Variants in CEACAM21 observed in about 807,000 individuals in gnomAD.
The protein encoded by CEACAM21 is cell adhesion molecule CEACAM21.
A neutral mutation model predicts 33.2 loss-of-function variants in CEACAM21; 38 were observed. That is an observed-to-expected ratio of 1.14 (90% confidence interval 0.88 to 1.50). The LOEUF (loss-of-function observed/expected upper bound fraction) is 1.50. Ranked by LOEUF, CEACAM21 falls within the 40% of genes most tolerant of loss-of-function variation. CEACAM21 has a pLI of 0.00. For missense variants in CEACAM21, 385 were observed against 364.6 expected (o/e 1.06, Z -0.46); for synonymous variants, 156 against 143.0 (o/e 1.09, Z -0.65).
upstream of CEACAM21, among the ~76,000 whole-genome samples, chr19:41,572,139 C>T (rs1292485606): frequency 6.6e-6 from 1 of 152,066 alleles, no homozygotes; most frequent in Non-Finnish European, 1.5e-5. Context: ...ATTGCCAGTG[C>T]TAAAACTACA....
intron 2 of CEACAM21, among the ~76,000 whole-genome samples, chr19:41,569,802 A>G (rs1362107331): frequency 3.9e-5 from 6 of 152,170 alleles, no homozygotes; most frequent in Non-Finnish European, 7.3e-5. Flanking sequence ...CCCCGCCTAC[A>G]AAATAGGAAA....
intron 2 of CEACAM21, among the ~76,000 whole-genome samples, chr19:41,569,896 G>A (rs112148385): frequency 7.9e-5 from 12 of 152,214 alleles, no homozygotes; most frequent in African/African-American, 2.4e-4. Flanking sequence ...CATTCCTGGC[G>A]TCCTCCCACA....
rs1412535691 is a variant in CEACAM21 at position 41,555,030 on chromosome 19, T to C, written c.-779+5478T>C. The C allele has an allele frequency of 2.0e-5, 3 of 152,086 alleles. 1 individual carries two copies. Among genetic ancestry groups the C allele is most frequent in the Non-Finnish European group, 4.4e-5 (3 of 67,962 alleles). 9.4% of individuals were successfully genotyped at this position (152,086 alleles called of 1,614,324 possible). A position where few individuals can be genotyped will look rare whatever the true frequency, so the allele number is the denominator to read the frequency against. ...TAGGACAGCTGAGCTCTAAAGCATG[T>C]GAACTTCACCCACCACAACTGTTTG... is the stretch of plus-strand genomic sequence containing the variant. On this transcript the variant is annotated intron_variant, in intron 1 of 7. Transcript: ENST00000407170.
chr19:41,579,761 C>T, intron 3 of CEACAM21, 133 bp downstream of exon 3: 1 of 678,150 alleles, frequency 1.5e-6, no homozygotes, highest in Non-Finnish European at 2.4e-6. Context: ...GGTAAGAACT[C>T]AGGGATTAGA....
intron 3 of CEACAM21, among the ~76,000 whole-genome samples, chr19:41,583,846 A>C (rs1414773047): frequency 2.0e-5 from 3 of 152,178 alleles, no homozygotes; most frequent in Non-Finnish European, 4.4e-5. Context: ...ATGAACACCA[A>C]ATACGTATTT....
chr19:41,556,325 G>A (rs1038171973), intron 1 of CEACAM21, among the ~76,000 whole-genome samples: 8 of 152,194 alleles, frequency 5.3e-5, no homozygotes, highest in Non-Finnish European at 1.0e-4. Context: ...AGATTCAGGG[G>A]GTACATGTGC....
In CEACAM21 at chr19:41,577,535, G is replaced by T. The variant is rs782161429; in HGVS notation, c.400G>T (p.Ala134Ser). 4 of 1,613,898 alleles carry T rather than the reference G, an allele frequency of 2.5e-6. No homozygotes were observed. The highest frequency in any genetic ancestry group is 3.4e-6 in the Non-Finnish European group (4 of 1,179,990). The change falls in exon 2 of 7, where the codon GCA becomes TCA. Residue 134 changes from alanine to serine, a missense_variant. By Grantham distance (99) the Ala-to-Ser change is moderately conservative. Transcript: ENST00000401445. ...ATACAGAAATTCTCAGATTGAACAG[G>T]CATCTCACCATCTCCGTGTATACGG... ...VTYRNSQIEQ[A>S]SHHLRVYESV...
Position 41,579,209 on chromosome 19 carries a change from T to G in CEACAM21, c.425-144T>G, listed in dbSNP as rs1555792335. On this transcript the variant is annotated intron_variant, in intron 2 of 6. Coordinates refer to ENST00000401445, the MANE Select transcript of CEACAM21 (RefSeq NM_001098506.4). ...CACTGTAGTCCCTACTGCTCGCTGC[T>G]ATGGGTGTCTCTGGTTCTCTCTGCT... The G allele has an allele frequency of 2.2e-6, 3 of 1,357,814 alleles. No homozygotes were observed. The African/African-American group carries it at 4.3e-5, about 20-fold the overall frequency. 84.1% of individuals were successfully genotyped at this position (1,357,814 alleles called of 1,614,324 possible).
chr19:41,554,826 C>T lies in CEACAM21; in HGVS notation c.-779+5274C>T, dbSNP rs572461663. On this transcript the variant is annotated intron_variant, in intron 1 of 7. Coordinates refer to the CEACAM21 transcript ENST00000407170. ...GAAATGCTGAATTATACCCCTTCAACTTTAGTCAATATGTTTACACACAAA... is the reference window on the plus strand; with the variant it reads ...GAAATGCTGAATTATACCCCTTCAATTTTAGTCAATATGTTTACACACAAA... 6 of 152,164 alleles carry T rather than the reference C, an allele frequency of 3.9e-5. No individual in the cohort carries two copies. In the South Asian group the frequency reaches 1.2e-3, roughly 32 times the overall value. The allele number at this position is 152,164 out of a possible 1,614,324, so 9.4% of individuals were successfully genotyped here.
At chr19:41,575,963 G>A (rs2042909413), upstream of CEACAM21, among the ~76,000 whole-genome samples, 1 of 152,212 alleles carries the variant, frequency 6.6e-6, no homozygotes, top group African/African-American at 2.4e-5. Flanking sequence ...CAGTACTGGG[G>A]AGAGTGGGTC....
At chr19:41,572,903 G>A (rs1555789883), upstream of CEACAM21, among the ~76,000 whole-genome samples, 8 of 152,196 alleles carry the variant, frequency 5.3e-5, no homozygotes. Context: ...TAGTGGTGCA[G>A]GACTCAGGGA....
intron 2 of CEACAM21, among the ~76,000 whole-genome samples, chr19:41,578,648 G>A (rs981651193): frequency 1.3e-5 from 2 of 152,136 alleles, no homozygotes; most frequent in Non-Finnish European, 2.9e-5. Flanking sequence ...GAGGAATGAC[G>A]GGCAAATGGA....
intron 1 of CEACAM21, among the ~76,000 whole-genome samples, chr19:41,559,963 A>G (rs1217614889): frequency 6.6e-6 from 1 of 152,168 alleles, no homozygotes; most frequent in Admixed American, 6.5e-5. Context: ...CAGCCTGGAC[A>G]ACAGGGCAAT....
At chr19:41,575,271 G>T (rs1442331683), upstream of CEACAM21, among the ~76,000 whole-genome samples, 7 of 152,104 alleles carry the variant, frequency 4.6e-5, no homozygotes, top group African/African-American at 1.7e-4. Flanking sequence ...GGTGATGGTT[G>T]TACAACATTG....
upstream of CEACAM21, among the ~76,000 whole-genome samples, chr19:41,575,420 A>C (rs1273934970): frequency 6.6e-6 from 1 of 152,216 alleles, no homozygotes; most frequent in African/African-American, 2.4e-5. Flanking sequence ...ACTCATGTAC[A>C]CACCCTTCCT....
intron 1 of CEACAM21, among the ~76,000 whole-genome samples, chr19:41,558,052 T>C (rs1555785939): frequency 6.6e-6 from 1 of 152,210 alleles, no homozygotes; most frequent in Non-Finnish European, 1.5e-5. Context: ...TGGGGCCTAT[T>C]TTCAGGCGAT....
Position 41,585,448 on chromosome 19 carries a change from G to T in CEACAM21, c.803G>T (p.Ser268Ile). The T allele has an allele frequency of 6.2e-7, 1 of 1,613,822 alleles. No individual in the cohort carries two copies. Among genetic ancestry groups the T allele is most frequent in the South Asian group, 1.1e-5 (1 of 91,082 alleles). ...FLLLRKTGRA[S>I]DQSDFREQQP... is the part of the protein sequence containing the mutation. ...ATAACCCTGACCTTTCCTAGGGCCA[G>T]CGATCAGAGTGACTTCAGGGAGCAG... Residue 268 changes from serine (S) to isoleucine (I), a missense_variant, in exon 5 of 7, where the codon AGC becomes ATC. Coordinates refer to ENST00000401445, the MANE Select transcript of CEACAM21 (RefSeq NM_001098506.4).
chr19:41,562,362 C>T (rs1439923696), intron 1 of CEACAM21, among the ~76,000 whole-genome samples: 3 of 150,726 alleles, frequency 2.0e-5, no homozygotes, highest in Non-Finnish European at 4.4e-5. Flanking sequence ...GCAGCACATA[C>T]AGTTGACAAA....
intron 1 of CEACAM21, among the ~76,000 whole-genome samples, chr19:41,553,355 C>A (rs1296604140): frequency 1.3e-5 from 2 of 151,906 alleles, no homozygotes; most frequent in Non-Finnish European, 2.9e-5. Context: ...CTGCCCACCT[C>A]AGCCTCCCAA....
Sources: allele counts gnomAD v4.1 joint callset (sites outside exome capture counted in the v4.1 genomes callset), GRCh38; gene constraint gnomAD v4.1.1; transcripts MANE v1.5; gene names NCBI Gene and HGNC (gene_info 2026-07-23, HGNC 2026-07-21).